Variants in UNC80 observed in about 807,000 individuals in gnomAD.
The protein encoded by UNC80 is protein unc-80 homolog.
UNC80 carries 164 observed loss-of-function variants against 384.6 expected under a neutral mutation model. The ratio of observed to expected loss-of-function variants is 0.43; its 90% CI spans 0.38 to 0.49. UNC80 has a LOEUF of 0.49. Ranked by LOEUF, UNC80 falls within the 20% of genes least tolerant of loss-of-function variation. The pLI is 0.00. For synonymous variants in UNC80, 1,486 were observed against 1,527.8 expected (o/e 0.97, Z 0.64); for missense variants, 3,330 against 4,143.0 (o/e 0.80, Z 5.39).
rs115984108 is a variant in UNC80, at chr2:209,983,869, A to T, written c.9258-987A>T. On this transcript the variant is annotated intron_variant, in intron 60 of 64. Transcript: ENST00000673920. ...AATATAGTTAAATAGTTTGGGCTTC[A>T]TTCATATTTTGGAAGACTAGCGAAG... is the stretch of plus-strand genomic sequence containing the variant. 4.3e-3 allele frequency among the ~76,000 whole-genome samples: 651 copies of T among 152,248 alleles called. 4 individuals carry two copies. Among genetic ancestry groups the T allele is most frequent in the African/African-American group, 0.015 (623 of 41,550 alleles).
intron 38 of UNC80, 82 bp from the exon 39 acceptor site, chr2:209,933,740 T>C (rs2091054389): frequency 7.6e-7 from 1 of 1,313,890 alleles, no homozygotes; most frequent in African/African-American, 1.5e-5. Flanking sequence ...AGGTCGAGTT[T>C]AAAACAAGAA....
chr2:209,828,514 TC>T (rs2080714705), intron 14 of UNC80, among the ~76,000 whole-genome samples: 1 of 152,052 alleles, frequency 6.6e-6, no homozygotes, highest in South Asian at 2.1e-4. Flanking sequence ...CTTTTTTTTT[TC>T]TCTCTCAAAA....
In UNC80 at chr2:209,786,046, TATCTTCTCCTCCCCCCTAGG is replaced by T; in HGVS notation, c.601-18_602del. Reference sequence around the variant, plus strand: ...TGTTACATGTCAGTTATTGGACATATATCTTCTCCTCCCCCCTAGGAATCTGACCTCACCTTCCGTCTGGC... The same window carrying T: ...TGTTACATGTCAGTTATTGGACATATAATCTGACCTCACCTTCCGTCTGGC... On this transcript the variant is annotated splice_acceptor_variant and splice_polypyrimidine_tract_variant and coding_sequence_variant and intron_variant, in exon 5 of 65. Transcript: ENST00000673920. LOFTEE classifies it high-confidence loss of function. 1 of 1,611,806 alleles carries T rather than the reference TATCTTCTCCTCCCCCCTAGG, an allele frequency of 6.2e-7. No individual in the cohort carries two copies. Among genetic ancestry groups the T allele is most frequent in the South Asian group, 1.1e-5 (1 of 90,668 alleles).
chr2:209,890,263 A>T (rs1447845887), intron 26 of UNC80, among the ~76,000 whole-genome samples: 1 of 152,066 alleles, frequency 6.6e-6, no homozygotes, highest in African/African-American at 2.4e-5. Flanking sequence ...TCATTTCTTA[A>T]ATGGATTCAT....
At chr2:209,865,557 C>G (rs1173445376) in intron 22 of UNC80, among the ~76,000 whole-genome samples, 13 of 151,172 alleles carry the variant, frequency 8.6e-5, no homozygotes, top group Non-Finnish European at 1.8e-4. Flanking sequence ...AGCCGAGATC[C>G]CGCCACTGCA....
intron 42 of UNC80, among the ~76,000 whole-genome samples, chr2:209,938,578 A>C (rs1414177112): frequency 1.3e-5 from 2 of 152,094 alleles, no homozygotes; most frequent in African/African-American, 2.4e-5. Flanking sequence ...CTTAAATATA[A>C]ACAATTCCTA....
At chr2:209,984,937 A>G (rs760211688) in intron 61 of UNC80, 25 bp downstream of exon 61, 78 of 1,543,558 alleles carry the variant, frequency 5.1e-5, no homozygotes, top group Non-Finnish European at 5.4e-5. Flanking sequence ...CTACCTGTCT[A>G]TTGGTGTCTG....
intron 7 of UNC80, among the ~76,000 whole-genome samples, chr2:209,808,293 TG>T (rs34315442): frequency 0.39 from 59,705 of 151,980 alleles, 13,792 homozygotes; most frequent in Non-Finnish European, 0.51. Flanking sequence ...CTGGGCGTGG[TG>T]GTTCACGCCT....
Position 209,777,495 on chromosome 2 carries a change from A to G in UNC80, c.536A>G (p.Gln179Arg), listed in dbSNP as rs767864943. 9.9e-6 allele frequency: 16 copies of G among 1,614,130 alleles called. No homozygotes were observed. Among genetic ancestry groups the G allele is most frequent in the Non-Finnish European group, 1.3e-5 (15 of 1,180,044 alleles). Reference sequence around the variant, plus strand: ...GAGAACAACCGAAGAAAGATCTTCCAGAACTCCATGGCTACTGTGGAGCTC... The same window carrying G: ...GAGAACAACCGAAGAAAGATCTTCCGGAACTCCATGGCTACTGTGGAGCTC... Reference protein sequence around the residue: ...EEENNRRKIFQNSMATVELFV... With the variant: ...EEENNRRKIFRNSMATVELFV... Residue 179 changes from glutamine (Q) to arginine (R), a missense_variant, in exon 4 of 65, where the codon CAG becomes CGG. Gln to Arg is a conservative substitution (Grantham distance 43). This residue lies in a region of UNC80 where 937 missense variants were observed against 1,026.8 expected (regional missense o/e 0.91). Coordinates refer to ENST00000673920, the MANE Select transcript of UNC80 (RefSeq NM_001371986.1).
At chr2:209,981,747 G>C (rs1017499375) in intron 59 of UNC80, among the ~76,000 whole-genome samples, 1 of 152,140 alleles carries the variant, frequency 6.6e-6, no homozygotes. Flanking sequence ...CTTTCCCTCA[G>C]CAGTCTAGAA....
intron 22 of UNC80, among the ~76,000 whole-genome samples, chr2:209,859,991 G>T (rs1369419606): frequency 6.6e-6 from 1 of 152,164 alleles, no homozygotes; most frequent in Non-Finnish European, 1.5e-5. Context: ...TCACTCTGAT[G>T]ATAGTTTCTT....
At chr2:209,890,233 A>G (rs754908518) in intron 26 of UNC80, among the ~76,000 whole-genome samples, 1 of 152,310 alleles carries the variant, frequency 6.6e-6, no homozygotes, top group Non-Finnish European at 1.5e-5. Context: ...CCTCTGTGGC[A>G]TCACAATGTT....
chr2:209,836,516 C>G (rs926001154), intron 18 of UNC80, among the ~76,000 whole-genome samples: 1 of 152,208 alleles, frequency 6.6e-6, no homozygotes, highest in South Asian at 2.1e-4. Context: ...TCTGTAAACA[C>G]CACCTAATTT....
At chr2:209,894,804 G>A (rs1212293308) in intron 27 of UNC80, among the ~76,000 whole-genome samples, 1 of 152,188 alleles carries the variant, frequency 6.6e-6, no homozygotes, top group African/African-American at 2.4e-5. Context: ...AATGTCAAAT[G>A]TAATTCCCTT....
intron 30 of UNC80, among the ~76,000 whole-genome samples, 165 bp downstream of exon 30, chr2:209,912,832 A>G (rs1242700036): frequency 6.6e-6 from 1 of 152,198 alleles, no homozygotes; most frequent in Non-Finnish European, 1.5e-5. Context: ...CCAGGAAAAA[A>G]GAAATCTCTT....
At chr2:209,891,323 A>C (rs1050568210) in intron 26 of UNC80, among the ~76,000 whole-genome samples, 1 of 152,162 alleles carries the variant, frequency 6.6e-6, no homozygotes, top group African/African-American at 2.4e-5. Context: ...TTTGAATATG[A>C]AGAAGTATCA....
intron 37 of UNC80, 82 bp downstream of exon 37, chr2:209,930,053 C>A: frequency 2.4e-6 from 2 of 816,336 alleles, no homozygotes; most frequent in Non-Finnish European, 3.6e-6. Flanking sequence ...CTTTATAGTG[C>A]AGTGCATGCA....
At chr2:209,987,359 C>T (rs1315647214) in intron 61 of UNC80, among the ~76,000 whole-genome samples, 1 of 151,906 alleles carries the variant, frequency 6.6e-6, no homozygotes, top group African/African-American at 2.4e-5. Flanking sequence ...CAGAAATAGC[C>T]TATTAGAAAC....
intron 11 of UNC80, 44 bp downstream of exon 11, chr2:209,817,996 T>G (rs2153827636): frequency 1.9e-6 from 3 of 1,547,772 alleles, no homozygotes; most frequent in Middle Eastern, 1.7e-4. Context: ...CAGAGTTCTT[T>G]TTTTGTTTTC....
Sources: allele counts gnomAD v4.1 joint callset (sites outside exome capture counted in the v4.1 genomes callset), GRCh38; gene constraint gnomAD v4.1.1; regional missense constraint gnomAD v4.1.1; transcripts MANE v1.5; gene names NCBI Gene and HGNC (gene_info 2026-07-23, HGNC 2026-07-21).